CACNA1E: variants seen among roughly 807,000 people sequenced by gnomAD.
CACNA1E encodes the protein calcium voltage-gated channel subunit alpha1 E.
A neutral mutation model predicts 259.2 loss-of-function variants in CACNA1E; 40 were observed. The observed-to-expected ratio is 0.15, with a 90% CI of 0.12 to 0.20. The LOEUF (loss-of-function observed/expected upper bound fraction) is 0.20. Ranked by LOEUF, CACNA1E falls within the 10% of genes least tolerant of loss-of-function variation. The probability of loss-of-function intolerance (pLI) is 1.00; values close to 1 mark genes in which losing one functional copy is unlikely to be tolerated. For missense variants in CACNA1E, 1,874 were observed against 3,040.1 expected (o/e 0.62, Z 9.02); for synonymous variants, 1,104 against 1,138.5 (o/e 0.97, Z 0.61).
chr1:181,556,622 G>T (rs1162027261), intron 3 of CACNA1E, among the ~76,000 whole-genome samples: 1 of 152,146 alleles, frequency 6.6e-6, no homozygotes, highest in Non-Finnish European at 1.5e-5. Flanking sequence ...CTAAAGAGGG[G>T]TCACTTTGTA....
At chr1:181,768,240 C>T (rs1245063708) in intron 35 of CACNA1E, among the ~76,000 whole-genome samples, 2 of 151,792 alleles carry the variant, frequency 1.3e-5, no homozygotes, top group Non-Finnish European at 2.9e-5. Flanking sequence ...GGTGATAATG[C>T]TGTTTATCAT....
intron 6 of CACNA1E, among the ~76,000 whole-genome samples, chr1:181,596,557 CGT>C (rs60302499): frequency 0.071 from 9,951 of 140,514 alleles, 386 homozygotes; most frequent in South Asian, 0.17. Flanking sequence ...CCACCATGTA[CGT>C]GTGTGTGTGT....
At chr1:181,355,800 G>A (rs1653386151) in intron 1 of CACNA1E, among the ~76,000 whole-genome samples, 1 of 152,204 alleles carries the variant, frequency 6.6e-6, no homozygotes, top group South Asian at 2.1e-4. Flanking sequence ...GACAGGGGAT[G>A]TTAAAGCTGA....
chr1:181,338,516 T>TTTTG (rs1434434634), intron 1 of CACNA1E, among the ~76,000 whole-genome samples: 1 of 152,024 alleles, frequency 6.6e-6, no homozygotes, highest in African/African-American at 2.4e-5. Context: ...TTTTTTTTTT[T>TTTTG]TGTGGCTAAG....
rs892159283 is a variant in CACNA1E at position 181,718,263 on chromosome 1, A to T, written c.1638+96A>T. On this transcript the variant is annotated intron_variant, in intron 12 of 47. Coordinates refer to ENST00000367573, the MANE Select transcript of CACNA1E (RefSeq NM_001205293.3). ...CTCCTTACTCAGCATGAGGCACTGA[A>T]ATCAGAATATGTAAAAGCGGAATAG... 3.6e-5 allele frequency: 23 copies of T among 640,852 alleles called. No homozygotes were observed. In the South Asian group the frequency reaches 4.2e-4, roughly 12 times the overall value. 39.7% of individuals were successfully genotyped at this position (640,852 alleles called of 1,614,324 possible).
At chr1:181,779,362 C>T in intron 38 of CACNA1E, 1 of 322,474 alleles carries the variant, frequency 3.1e-6, no homozygotes, top group Admixed American at 3.0e-5. Context: ...CTCTTTCAGC[C>T]ATCCTCTTCA....
At chr1:181,512,004 T>C (rs1453971827) in intron 3 of CACNA1E, among the ~76,000 whole-genome samples, 1 of 152,274 alleles carries the variant, frequency 6.6e-6, no homozygotes, top group African/African-American at 2.4e-5. Flanking sequence ...GAAGTTTTTA[T>C]CATTTGCAGA....
At chr1:181,591,985 C>G (rs1452281693) in intron 6 of CACNA1E, among the ~76,000 whole-genome samples, 1 of 152,228 alleles carries the variant, frequency 6.6e-6, no homozygotes, top group Non-Finnish European at 1.5e-5. Flanking sequence ...TCCTTCCTGT[C>G]TCTCAGTCTA....
intron 1 of CACNA1E, among the ~76,000 whole-genome samples, chr1:181,367,026 T>C (rs183125723): frequency 6.6e-6 from 1 of 152,334 alleles, no homozygotes; most frequent in African/African-American, 2.4e-5. Flanking sequence ...CTGCCTAACG[T>C]GTCCTATTAG....
intron 7 of CACNA1E, among the ~76,000 whole-genome samples, chr1:181,667,935 T>G (rs566920154): frequency 1.8e-4 from 28 of 152,234 alleles, no homozygotes; most frequent in Admixed American, 1.6e-3. Context: ...CTTCTCCCAG[T>G]TTCCCCCAGT....
chr1:181,557,847 G>A (rs2102871846), intron 3 of CACNA1E, among the ~76,000 whole-genome samples: 1 of 152,308 alleles, frequency 6.6e-6, no homozygotes. Context: ...GCTGCCAAAA[G>A]GGATCCCACC....
intron 1 of CACNA1E, among the ~76,000 whole-genome samples, chr1:181,484,438 G>C (rs1386035937): frequency 6.6e-6 from 1 of 152,144 alleles, no homozygotes; most frequent in Non-Finnish European, 1.5e-5. Flanking sequence ...AGGAGACACC[G>C]CACTGTCTTC....
intron 2 of CACNA1E, 34 bp downstream of exon 2, chr1:181,510,616 T>C: frequency 1.4e-6 from 2 of 1,385,462 alleles, no homozygotes; most frequent in Non-Finnish European, 2.1e-6. Context: ...CCTTTGCCCC[T>C]TTTGTCTTTC....
Position 181,721,767 on chromosome 1 carries a change from G to A in CACNA1E, c.1966G>A (p.Gly656Ser). ...CATTTGCTTTTTGTAGATCCTGACG[G>A]GTGAGGACTGGAATGAGGTGATGTA... ...AIMTVFQILT[G>S]EDWNEVMYNG... Residue 656 changes from glycine (G) to serine (S), a missense_variant, in exon 16 of 48, where the codon GGT (glycine) becomes AGT (serine). By Grantham distance (56) the Gly-to-Ser change is moderately conservative (BLOSUM62 0). Coordinates refer to ENST00000367573, the MANE Select transcript of CACNA1E (RefSeq NM_001205293.3). 6.2e-7 allele frequency: 1 copy of A among 1,609,178 alleles called. No individual in the cohort carries two copies. The highest frequency in any genetic ancestry group is 8.5e-7 in the Non-Finnish European group (1 of 1,175,698).
Position 181,776,194 on chromosome 1 carries a change from G to T in CACNA1E, c.5233G>T (p.Val1745Phe). ...GGGGCCTCACCACTTGGACGAGTTTGTCCGCGTCTGGGCAGAATATGACCG... is the reference window on the plus strand; with the variant it reads ...GGGGCCTCACCACTTGGACGAGTTTTTCCGCGTCTGGGCAGAATATGACCG... ...ILGPHHLDEF[V>F]RVWAEYDRAA... The change falls in exon 38 of 48, where the codon GTC becomes TTC. Residue 1745 changes from valine to phenylalanine, a missense_variant. Around this residue, in one of 14 missense-constraint regions of CACNA1E, gnomAD observed 147 missense variants for 337.1 expected, o/e 0.44. Transcript: ENST00000367573. This position sits in a 1 kb window ranked among gnomAD's most constrained non-coding sequence, Gnocchi z 4.4. 3 of 1,614,048 alleles carry T rather than the reference G, an allele frequency of 1.9e-6. No homozygotes were observed. The highest frequency in any genetic ancestry group is 1.1e-5 in the South Asian group (1 of 91,082).
rs114370819 is a variant in CACNA1E, at chr1:181,798,012, A to G, written c.6400-280A>G. ...CACCTGGAAGCTTGTTAGAAATGCA[A>G]AATCTCAGTCCTTGCCCCAGATCTT... On this transcript the variant is annotated intron_variant, in intron 47 of 47. Transcript: ENST00000367573. This position sits in a 1 kb window ranked among gnomAD's most constrained non-coding sequence, Gnocchi z 4.2. Among the ~76,000 whole-genome samples the G allele has an allele frequency of 9.2e-5, 14 of 152,290 alleles. No individual in the cohort carries two copies. The highest frequency in any genetic ancestry group is 1.0e-4 in the Non-Finnish European group (7 of 68,020).
At chr1:181,489,848 C>T (rs749581577) in intron 1 of CACNA1E, among the ~76,000 whole-genome samples, 4 of 152,198 alleles carry the variant, frequency 2.6e-5, no homozygotes, top group Admixed American at 6.5e-5. Flanking sequence ...ACCACCACCA[C>T]GATGTGGCTT....
chr1:181,357,337 A>G (rs1368576371), intron 1 of CACNA1E, among the ~76,000 whole-genome samples: 1 of 152,074 alleles, frequency 6.6e-6, no homozygotes, highest in Middle Eastern at 3.2e-3. Context: ...TCAGGGGGGC[A>G]TTTTGGGAAT....
chr1:181,417,203 C>A (rs1658337479), intron 2 of CACNA1E, among the ~76,000 whole-genome samples: 1 of 152,152 alleles, frequency 6.6e-6, no homozygotes, highest in Non-Finnish European at 1.5e-5. Context: ...CTATCCCCTT[C>A]CCCAGTCATG....
Sources: allele counts gnomAD v4.1 joint callset (sites outside exome capture counted in the v4.1 genomes callset), GRCh38; gene constraint gnomAD v4.1.1; regional missense constraint gnomAD v4.1.1; non-coding constraint Gnocchi (gnomAD v3.1); transcripts MANE v1.5; gene names NCBI Gene and HGNC (gene_info 2026-07-23, HGNC 2026-07-21).